The following RHPN2 variants were observed in gnomAD, a reference collection of about 807,000 sequenced individuals.
The protein encoded by RHPN2 is rhophilin-2.
A neutral mutation model predicts 79.0 loss-of-function variants in RHPN2; 40 were observed. The ratio of observed to expected loss-of-function variants is 0.51; its 90% CI spans 0.39 to 0.66. RHPN2 has a LOEUF of 0.66. RHPN2 is among the 30% of genes least tolerant of loss of function. The probability of loss-of-function intolerance (pLI) is 0.00; values close to 1 mark genes in which losing one functional copy is unlikely to be tolerated. For synonymous variants in RHPN2, 285 were observed against 363.5 expected (o/e 0.78, Z 2.46); for missense variants, 686 against 883.5 (o/e 0.78, Z 2.83).
At chr19:32,981,156 A>G (rs1479322753) in intron 14 of RHPN2, among the ~76,000 whole-genome samples, 1 of 152,064 alleles carries the variant, frequency 6.6e-6, no homozygotes, top group African/African-American at 2.4e-5. Context: ...AATGTACTCA[A>G]TAGTAACAAT....
rs554738402 is a variant in RHPN2 at position 32,983,380 on chromosome 19, C to T, written c.1801-3124G>A. ...ACAAAAAATTAGCCGGGCGTGGTGG[C>T]GGGCACCTGTAGTCCCAGTTACTTG... On this transcript the variant is annotated intron_variant, in intron 14 of 14. Coordinates refer to ENST00000254260, the MANE Select transcript of RHPN2 (RefSeq NM_033103.5). Among the ~76,000 whole-genome samples, 60 of 151,854 alleles carry T rather than the reference C, an allele frequency of 4.0e-4. 1 individual carries two copies. The South Asian group carries it at 0.011, about 27-fold the overall frequency.
intron 3 of RHPN2, among the ~76,000 whole-genome samples, chr19:33,025,599 A>G (rs1463468680): frequency 1.3e-5 from 2 of 152,250 alleles, no homozygotes; most frequent in African/African-American, 4.8e-5. Flanking sequence ...ACGTAAGTAC[A>G]GTGCACAGAA....
At chr19:33,053,318 C>T (rs1157721771) in intron 1 of RHPN2, among the ~76,000 whole-genome samples, 1 of 151,796 alleles carries the variant, frequency 6.6e-6, no homozygotes, top group Non-Finnish European at 1.5e-5. Flanking sequence ...CTGTGCCTCC[C>T]ACCACATCAA....
At chr19:33,022,483 G>T (rs547012058) in intron 3 of RHPN2, among the ~76,000 whole-genome samples, 2 of 151,900 alleles carry the variant, frequency 1.3e-5, no homozygotes, top group Non-Finnish European at 2.9e-5. Flanking sequence ...GTGTCTAGGC[G>T]TCCCACCACC....
rs199903472 is a variant in RHPN2, at chr19:33,049,878, G to A, written c.70-5514C>T. ...TCCTTCCTGCTGCTCCAGGATGAGC[G>A]GTGAGGCGGTGTGAGCGGTAGGAAT... On this transcript the variant is annotated intron_variant, in intron 1 of 14. Coordinates refer to ENST00000254260, the MANE Select transcript of RHPN2 (RefSeq NM_033103.5). 1.3e-3 allele frequency among the ~76,000 whole-genome samples: 191 copies of A among 152,200 alleles called. No homozygotes were observed. The Middle Eastern group carries it at 0.017, about 14-fold the overall frequency.
intron 1 of RHPN2, among the ~76,000 whole-genome samples, chr19:33,063,808 A>ACCCGCCG (rs56913749): frequency 0.37 from 48,561 of 130,864 alleles, 11,025 homozygotes; most frequent in African/African-American, 0.63. Flanking sequence ...GGCACCCGCC[A>ACCCGCCG]CCCGCCGCCC....
intron 11 of RHPN2, among the ~76,000 whole-genome samples, chr19:32,995,404 T>C (rs527297138): frequency 6.6e-6 from 1 of 151,972 alleles, no homozygotes; most frequent in African/African-American, 2.4e-5. Flanking sequence ...GTATGAGGAT[T>C]TCCCAGTGAA....
chr19:33,047,748 T>G (rs1317080523), intron 1 of RHPN2, among the ~76,000 whole-genome samples: 1 of 152,024 alleles, frequency 6.6e-6, no homozygotes, highest in Non-Finnish European at 1.5e-5. Context: ...CCACAGAGAT[T>G]TCTCATTCTT....
intron 13 of RHPN2, among the ~76,000 whole-genome samples, chr19:32,990,993 C>T (rs9304841): frequency 0.79 from 116,994 of 147,346 alleles, 47,300 homozygotes; most frequent in African/African-American, 0.95. Context: ...CGTGCCACTG[C>T]CCTCCAGCCT....
At position 33,021,628 on chromosome 19, in the gene RHPN2, G is replaced by A. The variant is rs1418986522; in HGVS notation, c.333C>T (p.Pro111=). The A allele has an allele frequency of 6.2e-7, 1 of 1,613,878 alleles. No individual in the cohort carries two copies. The highest frequency in any genetic ancestry group is 1.7e-4 in the Middle Eastern group (1 of 6,060). The change falls in exon 4 of 15, where the codon CCC becomes CCT. Residue 111 remains proline, a synonymous_variant. Coordinates refer to ENST00000254260, the MANE Select transcript of RHPN2 (RefSeq NM_033103.5). ...TTTCCTTCAGGCCAAGAGGAATCAG[G>A]GGAATCGTAAATGCCTCCCTATGAG... ...YQNTEEAFTI[P]LIPLGLKETK... is the part of the protein sequence containing the mutation.
intron 7 of RHPN2, among the ~76,000 whole-genome samples, chr19:33,007,406 G>A (rs909800128): frequency 1.3e-5 from 2 of 152,036 alleles, no homozygotes; most frequent in Non-Finnish European, 2.9e-5. Context: ...AGAATTGCTT[G>A]AAACCAGGAG....
chr19:33,043,602 C>T (rs1972118343), intron 2 of RHPN2, among the ~76,000 whole-genome samples: 1 of 152,154 alleles, frequency 6.6e-6, no homozygotes, highest in Non-Finnish European at 1.5e-5. Context: ...TCCAGTAGAA[C>T]TCTGAAGGAA....
At chr19:32,999,757 C>T (rs767497277) in intron 9 of RHPN2, 52 bp from the exon 10 acceptor site, 2 of 1,597,310 alleles carry the variant, frequency 1.3e-6, no homozygotes, top group Non-Finnish European at 8.5e-7. Flanking sequence ...GGCCACAGAC[C>T]CACGTAGAGA....
intron 2 of RHPN2, among the ~76,000 whole-genome samples, chr19:33,029,309 G>A (rs527654803): frequency 3.3e-5 from 5 of 151,924 alleles, no homozygotes; most frequent in African/African-American, 1.2e-4. Flanking sequence ...GACGGATCAC[G>A]AGGTCAGGAG....
rs1481859434 is a variant in RHPN2, at chr19:32,980,037, A to G, written c.2020T>C (p.Ser674Pro). 2 of 1,613,864 alleles carry G rather than the reference A, an allele frequency of 1.2e-6. No homozygotes were observed. Among genetic ancestry groups the G allele is most frequent in the Non-Finnish European group, 1.7e-6 (2 of 1,179,804 alleles). ...ARPQVKKKLPSPFSLLNSDSS... is the reference protein window; with the variant it reads ...ARPQVKKKLPPPFSLLNSDSS... ...TCTGAGTTGAGAAGGCTGAAAGGGGAGGGCAGCTTCTTCTTGACCTGAGGC... is the reference window on the plus strand; with the variant it reads ...TCTGAGTTGAGAAGGCTGAAAGGGGGGGGCAGCTTCTTCTTGACCTGAGGC... Residue 674 changes from serine (S) to proline (P), a missense_variant, in exon 15 of 15, where the codon TCC (serine) becomes CCC (proline). Physicochemically the swap from Ser to Pro is moderately conservative, Grantham distance 74. Transcript: ENST00000254260.
At chr19:33,041,812 C>T (rs1972102812) in intron 2 of RHPN2, among the ~76,000 whole-genome samples, 1 of 152,156 alleles carries the variant, frequency 6.6e-6, no homozygotes, top group Admixed American at 6.5e-5. Context: ...AAGTCTCCTC[C>T]CATCCTCCAA....
intron 4 of RHPN2, among the ~76,000 whole-genome samples, chr19:33,013,017 A>G (rs1971847721): frequency 6.6e-6 from 1 of 151,608 alleles, no homozygotes; most frequent in Non-Finnish European, 1.5e-5. Flanking sequence ...CTGGGATTAC[A>G]GGCGCCCACC....
intron 2 of RHPN2, among the ~76,000 whole-genome samples, chr19:33,036,604 G>A (rs1043036791): frequency 3.3e-5 from 5 of 152,294 alleles, no homozygotes; most frequent in South Asian, 2.1e-4. Context: ...GCCAAGGCCC[G>A]AGCCGGCTCC....
chr19:33,021,055 A>G (rs1438353748), intron 4 of RHPN2, among the ~76,000 whole-genome samples: 1 of 152,200 alleles, frequency 6.6e-6, no homozygotes, highest in Non-Finnish European at 1.5e-5. Context: ...ATGATTTAAG[A>G]AAAAAATACA....
Sources: allele counts gnomAD v4.1 joint callset (sites outside exome capture counted in the v4.1 genomes callset), GRCh38; gene constraint gnomAD v4.1.1; transcripts MANE v1.5; gene names NCBI Gene and HGNC (gene_info 2026-07-23, HGNC 2026-07-21).